Variants in LRMDA observed in about 807,000 individuals in gnomAD.
The protein encoded by LRMDA is leucine rich melanocyte differentiation associated, also known as leucine-rich melanocyte differentiation-associated protein.
In LRMDA, 18 loss-of-function variants were observed where a neutral mutation model predicts 29.8. That is an observed-to-expected ratio of 0.60 (90% confidence interval 0.42 to 0.90). The LOEUF is 0.90. Among genes scored for constraint, LRMDA ranks in the 40% least tolerant of loss-of-function variants. The pLI, the probability that LRMDA is intolerant of heterozygous loss-of-function variation, is 0.00. For missense variants in LRMDA, 273 were observed against 273.9 expected (o/e 1.00, Z 0.02); for synonymous variants, 125 against 109.4 (o/e 1.14, Z -0.89).
intron 5 of LRMDA, among the ~76,000 whole-genome samples, chr10:76,102,610 C>T (rs756146757): frequency 1.3e-4 from 20 of 152,140 alleles, no homozygotes; most frequent in Admixed American, 4.6e-4. Flanking sequence ...ATAAATGTAC[C>T]ATATTTGCTT....
chr10:76,360,118 A>C (rs1317979795), intron 6 of LRMDA, among the ~76,000 whole-genome samples: 1 of 152,006 alleles, frequency 6.6e-6, no homozygotes, highest in Non-Finnish European at 1.5e-5. Flanking sequence ...CCTCCTGAGT[A>C]GCTGGGATTA....
intron 2 of LRMDA, among the ~76,000 whole-genome samples, chr10:75,668,554 T>C (rs1483737278): frequency 6.6e-6 from 1 of 152,228 alleles, no homozygotes; most frequent in African/African-American, 2.4e-5. Flanking sequence ...CAAGGCTTTT[T>C]TGTCGGCTTT....
chr10:75,790,888 C>T lies in LRMDA; in HGVS notation c.132-245120C>T, dbSNP rs140697720. 3.7e-3 allele frequency among the ~76,000 whole-genome samples: 556 copies of T among 152,302 alleles called. 4 individuals are homozygous for T. The highest frequency in any genetic ancestry group is 0.013 in the African/African-American group (529 of 41,558). On this transcript the variant is annotated intron_variant, in intron 2 of 6. Coordinates refer to ENST00000611255, the MANE Select transcript of LRMDA (RefSeq NM_001305581.2). ...GCAATATCCTCTGTGGGGAAGGTGG[C>T]TTTCGTTGTAATGGTTCTTGCAAAT...
intron 5 of LRMDA, among the ~76,000 whole-genome samples, chr10:76,243,327 T>C (rs915818498): frequency 6.6e-6 from 1 of 152,166 alleles, no homozygotes; most frequent in Non-Finnish European, 1.5e-5. Context: ...TAATAAAAGA[T>C]TGATATAATT....
chr10:75,817,371 T>C (rs1466647375), intron 2 of LRMDA, among the ~76,000 whole-genome samples: 1 of 152,252 alleles, frequency 6.6e-6, no homozygotes, highest in African/African-American at 2.4e-5. Context: ...AGGATGATCA[T>C]CTCTGTAACA....
chr10:76,355,770 A>G (rs1841232298), intron 6 of LRMDA, among the ~76,000 whole-genome samples: 1 of 152,180 alleles, frequency 6.6e-6, no homozygotes, highest in Non-Finnish European at 1.5e-5. Context: ...CCGATTGTGA[A>G]AGAAAGGGAC....
chr10:75,952,195 G>A (rs947365339), intron 2 of LRMDA, among the ~76,000 whole-genome samples: 2 of 151,978 alleles, frequency 1.3e-5, no homozygotes, highest in Non-Finnish European at 2.9e-5. Flanking sequence ...CGACCCCGCC[G>A]ATTGCTCCTC....
chr10:75,591,779 A>G (rs1395080733), intron 2 of LRMDA, among the ~76,000 whole-genome samples: 1 of 152,206 alleles, frequency 6.6e-6, no homozygotes, highest in Non-Finnish European at 1.5e-5. Flanking sequence ...TCAAATATTT[A>G]TAGGGCCAGG....
At chr10:76,049,297 C>A (rs891866487) in intron 4 of LRMDA, among the ~76,000 whole-genome samples, 2 of 152,130 alleles carry the variant, frequency 1.3e-5, no homozygotes, top group Non-Finnish European at 2.9e-5. Context: ...AGGCTAGATT[C>A]TAGAGGTCAT....
intron 4 of LRMDA, among the ~76,000 whole-genome samples, chr10:76,054,445 C>G (rs896015389): frequency 6.6e-5 from 10 of 152,030 alleles, no homozygotes; most frequent in African/African-American, 2.4e-4. Flanking sequence ...CTCTGTCTCT[C>G]TCTTTCTCCT....
chr10:76,149,840 C>T (rs533750565), intron 5 of LRMDA, among the ~76,000 whole-genome samples: 2 of 152,276 alleles, frequency 1.3e-5, no homozygotes. Flanking sequence ...CTAAATCTTC[C>T]ACAGGGATTA....
At chr10:75,883,478 T>C (rs1364917253) in intron 2 of LRMDA, 1 of 152,228 alleles carries the variant, frequency 6.6e-6, no homozygotes, top group Non-Finnish European at 1.5e-5. Context: ...GTGGCCTTTG[T>C]CTGCACCCAT....
intron 6 of LRMDA, among the ~76,000 whole-genome samples, chr10:76,392,347 G>A (rs1399120613): frequency 1.3e-5 from 2 of 151,928 alleles, no homozygotes; most frequent in African/African-American, 2.4e-5. Flanking sequence ...GACAAAAATT[G>A]TATATGTTTG....
intron 5 of LRMDA, among the ~76,000 whole-genome samples, chr10:76,091,273 G>A (rs1425584629): frequency 6.9e-6 from 1 of 144,890 alleles, no homozygotes; most frequent in Non-Finnish European, 1.5e-5. Context: ...TAAACATGGT[G>A]GACGTGTGTG....
At chr10:75,438,536 C>T in intron 2 of LRMDA, 42 bp downstream of exon 2, 1 of 1,474,702 alleles carries the variant, frequency 6.8e-7, no homozygotes, top group Non-Finnish European at 9.3e-7. Flanking sequence ...CTGGGAGGCC[C>T]AGTCCTCCTG....
At chr10:75,971,731 T>C (rs1846975171) in intron 2 of LRMDA, among the ~76,000 whole-genome samples, 1 of 152,218 alleles carries the variant, frequency 6.6e-6, no homozygotes, top group Non-Finnish European at 1.5e-5. Flanking sequence ...TTTCAAGACA[T>C]TATCTTAATA....
At chr10:76,394,686 G>A (rs1050191229) in intron 6 of LRMDA, among the ~76,000 whole-genome samples, 1 of 152,152 alleles carries the variant, frequency 6.6e-6, no homozygotes, top group Non-Finnish European at 1.5e-5. Context: ...CTTCACAACA[G>A]AATGCAAGGC....
intron 2 of LRMDA, among the ~76,000 whole-genome samples, chr10:75,719,017 A>G (rs1053535141): frequency 6.6e-6 from 1 of 152,232 alleles, no homozygotes; most frequent in Non-Finnish European, 1.5e-5. Flanking sequence ...CATCAGAAAG[A>G]TCCCTAAGAG....
intron 6 of LRMDA, among the ~76,000 whole-genome samples, chr10:76,428,822 GC>G: frequency 6.6e-6 from 1 of 152,190 alleles, no homozygotes; most frequent in Non-Finnish European, 1.5e-5. Context: ...GCAACTTAAG[GC>G]TCTGCCAGGC....
Sources: allele counts gnomAD v4.1 joint callset (sites outside exome capture counted in the v4.1 genomes callset), GRCh38; gene constraint gnomAD v4.1.1; transcripts MANE v1.5; gene names NCBI Gene and HGNC (gene_info 2026-07-23, HGNC 2026-07-21).